The following MCCC2 variants were observed in gnomAD, a reference collection of about 807,000 sequenced individuals.
MCCC2 encodes the protein methylcrotonyl-CoA carboxylase subunit 2, also known as methylcrotonoyl-CoA carboxylase beta chain, mitochondrial.
Under a neutral mutation model 77.2 loss-of-function variants are expected in MCCC2, and 52 were observed. The observed-to-expected ratio is 0.67, with a 90% CI of 0.54 to 0.85. MCCC2 has a LOEUF of 0.85. Among genes scored for constraint, MCCC2 ranks in the 40% least tolerant of loss-of-function variants. The pLI is 0.00. For synonymous variants in MCCC2, 253 were observed against 248.4 expected (o/e 1.02, Z -0.18); for missense variants, 682 against 703.2 (o/e 0.97, Z 0.34).
chr5:71,624,693 C>CTTT (rs36140678), intron 6 of MCCC2, among the ~76,000 whole-genome samples: 71 of 101,610 alleles, frequency 7.0e-4, no homozygotes, highest in African/African-American at 9.1e-4. Context: ...TTCTTTCTTT[C>CTTT]TTTTTTTTTT....
intron 10 of MCCC2, chr5:71,635,585 T>C: frequency 2.7e-6 from 1 of 367,076 alleles, no homozygotes; most frequent in South Asian, 2.2e-5. Flanking sequence ...TCATTGTTCT[T>C]ATTTTGGGAA....
At chr5:71,634,073 C>G (rs760353279) in intron 8 of MCCC2, among the ~76,000 whole-genome samples, 1 of 151,358 alleles carries the variant, frequency 6.6e-6, no homozygotes, top group Non-Finnish European at 1.5e-5. Flanking sequence ...TTTTCCCAGG[C>G]AAGCCATAAA....
chr5:71,614,693 A>T lies in MCCC2; in HGVS notation c.624+10225A>T, dbSNP rs374505564. On this transcript the variant is annotated intron_variant, in intron 6 of 16. Coordinates refer to ENST00000340941, the MANE Select transcript of MCCC2 (RefSeq NM_022132.5). ...GAGACGGGGTTTTACTATGTTGCCC[A>T]GGCTGGTCTCGAACTCCTGAGGTCA... Among the ~76,000 whole-genome samples, 15 of 152,142 alleles carry T rather than the reference A, an allele frequency of 9.9e-5. 1 individual carries two copies. Among genetic ancestry groups the T allele is most frequent in the African/African-American group, 3.6e-4 (15 of 41,516 alleles).
rs1019082108 is a variant in MCCC2 at position 71,648,336 on chromosome 5, G to T, written c.1217-761G>T. Among the ~76,000 whole-genome samples the T allele has an allele frequency of 2.6e-5, 4 of 152,292 alleles. No individual in the cohort carries two copies. The East Asian group carries it at 7.7e-4, about 29-fold the overall frequency. On this transcript the variant is annotated intron_variant, in intron 13 of 16. Transcript: ENST00000340941. ...TCAGTGTTATAAGGCAGAGAAAGAG[G>T]AACCCAAGTTCTGGAAGGCAGTGAA...
intron 6 of MCCC2, among the ~76,000 whole-genome samples, chr5:71,624,344 C>G (rs188542051): frequency 3.3e-5 from 5 of 152,138 alleles, no homozygotes; most frequent in Non-Finnish European, 7.4e-5. Flanking sequence ...TTTCTCTCAC[C>G]TTTGTCTTAC....
At position 71,633,131 on chromosome 5, in the gene MCCC2, A is replaced by ATTTTTTTTTTTATT. The variant is rs1306338509; in HGVS notation, c.803+951_803+952insTTTTTTATTTTTTT. Among the ~76,000 whole-genome samples the ATTTTTTTTTTTATT allele has an allele frequency of 1.0e-4, 8 of 78,088 alleles. 1 individual carries two copies. The East Asian group carries it at 3.9e-3, about 38-fold the overall frequency. 51.2% of individuals were successfully genotyped at this position (78,088 alleles called of 152,430 possible). A position where few individuals can be genotyped will look rare whatever the true frequency, so the allele number is the denominator to read the frequency against. ...TATATATATATATATATATATATAT[A>ATTTTTTTTTTTATT]TTTTTATTTTTTGTAGAAACAGGTG... On this transcript the variant is annotated intron_variant, in intron 8 of 16. Coordinates refer to ENST00000340941, the MANE Select transcript of MCCC2 (RefSeq NM_022132.5).
chr5:71,605,285 G>A (rs952430839), intron 6 of MCCC2, among the ~76,000 whole-genome samples: 3 of 151,546 alleles, frequency 2.0e-5, no homozygotes, highest in Non-Finnish European at 4.4e-5. Flanking sequence ...TAACTGGTGT[G>A]AGATGGTATC....
At chr5:71,595,241 A>C (rs1209033250) in intron 2 of MCCC2, among the ~76,000 whole-genome samples, 1 of 150,832 alleles carries the variant, frequency 6.6e-6, no homozygotes, top group Non-Finnish European at 1.5e-5. Context: ...AGGTGTTTGA[A>C]ACCAGCCTGG....
intron 14 of MCCC2, among the ~76,000 whole-genome samples, chr5:71,649,645 A>G (rs1243128177): frequency 3.3e-5 from 5 of 152,266 alleles, no homozygotes; most frequent in Non-Finnish European, 7.3e-5. Flanking sequence ...CGTGACAAAT[A>G]GAAAGGACAT....
At chr5:71,588,489 G>A (rs1375201338) in intron 1 of MCCC2, among the ~76,000 whole-genome samples, 1 of 152,158 alleles carries the variant, frequency 6.6e-6, no homozygotes, top group Non-Finnish European at 1.5e-5. Flanking sequence ...AGTCCAGAAT[G>A]TTTAATTCAG....
intron 10 of MCCC2, among the ~76,000 whole-genome samples, chr5:71,637,538 A>G (rs1441184811): frequency 1.3e-5 from 2 of 152,188 alleles, no homozygotes; most frequent in African/African-American, 4.8e-5. Context: ...TTGCTGGTGG[A>G]GGGTCTTGCC....
At chr5:71,601,341 G>A (rs191944181) in intron 4 of MCCC2, among the ~76,000 whole-genome samples, 15 of 152,232 alleles carry the variant, frequency 9.9e-5, no homozygotes, top group African/African-American at 3.4e-4. Flanking sequence ...ACTTTCTAGC[G>A]TAGCACCCCC....
intron 6 of MCCC2, among the ~76,000 whole-genome samples, chr5:71,624,420 C>A (rs1230286245): frequency 6.6e-6 from 1 of 151,854 alleles, no homozygotes; most frequent in African/African-American, 2.4e-5. Flanking sequence ...CTCTTGTTGC[C>A]CAGGTGGAGT....
intron 13 of MCCC2, among the ~76,000 whole-genome samples, chr5:71,648,560 C>A (rs1443552411): frequency 6.6e-6 from 1 of 152,182 alleles, no homozygotes; most frequent in African/African-American, 2.4e-5. Flanking sequence ...AAAACCAGGT[C>A]AGTGAAAGCT....
At chr5:71,644,033 ATGTGTGTGTG>A (rs61210707) in intron 12 of MCCC2, 138 bp downstream of exon 12, 2 of 558,418 alleles carry the variant, frequency 3.6e-6, no homozygotes, top group South Asian at 2.0e-5. Flanking sequence ...GTGCGCGGGC[ATGTGTGTGTG>A]TGTGTGTGTG....
At chr5:71,604,333 T>C in intron 5 of MCCC2, 23 bp from the exon 6 acceptor site, 5 of 1,588,900 alleles carry the variant, frequency 3.1e-6, no homozygotes, top group Non-Finnish European at 4.3e-6. Flanking sequence ...GAGATGCTTA[T>C]GTTTCTCATT....
chr5:71,649,594 G>T lies in MCCC2; in HGVS notation c.1373+341G>T, dbSNP rs1203102377. Among the ~76,000 whole-genome samples, 3 of 152,352 alleles carry T rather than the reference G, an allele frequency of 2.0e-5. No homozygotes were observed. The East Asian group carries it at 5.8e-4, about 29-fold the overall frequency. On this transcript the variant is annotated intron_variant, in intron 14 of 16. Transcript: ENST00000340941. ...GCAAGACTGCAAGTCAGTGAGCTAA[G>T]CCTTCATCTGTGGGAAGTTCAAAGA...
intron 6 of MCCC2, among the ~76,000 whole-genome samples, chr5:71,608,530 A>C (rs985624125): frequency 6.7e-6 from 1 of 150,334 alleles, no homozygotes; most frequent in Admixed American, 6.7e-5. Context: ...CTCTTTATCC[A>C]GTTTGCCAGT....
intron 6 of MCCC2, among the ~76,000 whole-genome samples, chr5:71,617,939 G>A (rs958516376): frequency 6.6e-6 from 1 of 152,186 alleles, no homozygotes; most frequent in Admixed American, 6.5e-5. Context: ...AGAAAAGATA[G>A]TTAAACTAGG....
Sources: gnomAD v4.1 joint callset for allele counts (sites outside exome capture counted in the v4.1 genomes callset) on GRCh38, gnomAD v4.1.1 for gene constraint, MANE v1.5 for transcripts, NCBI Gene and HGNC (gene_info 2026-07-23, HGNC 2026-07-21) for gene names.